AARSD1: variants seen among roughly 807,000 people sequenced by gnomAD.
AARSD1 encodes alanyl-tRNA editing protein Aarsd1.
A neutral mutation model predicts 48.7 loss-of-function variants in AARSD1; 44 were observed. That is an observed-to-expected ratio of 0.90 (90% CI 0.71 to 1.16). The LOEUF (loss-of-function observed/expected upper bound fraction) is 1.16. AARSD1 is among the 50% of genes most tolerant of loss of function. The pLI, the probability that AARSD1 is intolerant of heterozygous loss-of-function variation, is 0.00. For missense variants in AARSD1, 511 were observed against 523.1 expected, an observed-to-expected ratio of 0.98 and a Z score of 0.23; for synonymous variants, 189 against 194.9, an observed-to-expected ratio of 0.97 and a Z score of 0.25.
intron 9 of AARSD1, chr17:42,954,137 T>C (rs2049514843): frequency 4.8e-6 from 1 of 208,602 alleles, no homozygotes; most frequent in Non-Finnish European, 9.9e-6. Flanking sequence ...GCAGATTGCT[T>C]GAGGTCAGGA....
intron 2 of AARSD1, chr17:42,962,230 A>G: frequency 3.3e-6 from 1 of 305,512 alleles, no homozygotes; most frequent in South Asian, 2.3e-5. Context: ...AACCTGGCAG[A>G]CGGAGATTGC....
At chr17:42,958,881 C>A (rs1597716326) in intron 3 of AARSD1, among the ~76,000 whole-genome samples, 1 of 148,834 alleles carries the variant, frequency 6.7e-6, no homozygotes, top group African/African-American at 2.5e-5. Context: ...TTTTATTTTT[C>A]TTGTTTACAT....
intron 1 of AARSD1, 75 bp from the exon 2 acceptor site, chr17:42,964,312 G>A: frequency 6.2e-7 from 1 of 1,606,378 alleles, no homozygotes; most frequent in Non-Finnish European, 8.5e-7. Flanking sequence ...AGGACAGAAT[G>A]CCATGTTGGC....
chr17:42,955,294 A>G (rs1211053849), intron 7 of AARSD1, 70 bp from the exon 8 acceptor site: 4 of 1,590,084 alleles, frequency 2.5e-6, no homozygotes, highest in African/African-American at 1.3e-5. Flanking sequence ...ACATAAATCA[A>G]TAATTTCCTT....
chr17:42,954,608 T>A (rs931165913), intron 9 of AARSD1, among the ~76,000 whole-genome samples: 1 of 152,046 alleles, frequency 6.6e-6, no homozygotes, highest in Non-Finnish European at 1.5e-5. Flanking sequence ...CTAATTTTTG[T>A]ACTTTTAGTA....
intron 2 of AARSD1, among the ~76,000 whole-genome samples, chr17:42,962,711 G>A (rs2049655075): frequency 6.6e-6 from 1 of 152,152 alleles, no homozygotes; most frequent in South Asian, 2.1e-4. Context: ...TACTGAACAT[G>A]TTCTCTCATG....
chr17:42,953,226 C>T (rs920951117), intron 10 of AARSD1, among the ~76,000 whole-genome samples: 2 of 151,944 alleles, frequency 1.3e-5, no homozygotes, highest in Admixed American at 6.6e-5. Context: ...GCAATCCACC[C>T]GCCTCAGCCT....
intron 3 of AARSD1, among the ~76,000 whole-genome samples, chr17:42,960,615 G>A (rs1245370023): frequency 2.0e-5 from 3 of 151,440 alleles, no homozygotes; most frequent in African/African-American, 4.9e-5. Context: ...CCAGCTACTC[G>A]GGAGGCTGAG....
intron 3 of AARSD1, among the ~76,000 whole-genome samples, chr17:42,958,921 A>G (rs62076370): frequency 0.94 from 140,840 of 150,396 alleles, 66,650 homozygotes; most frequent in East Asian, 1. Context: ...TATTTATGCC[A>G]GGTGCGGTGG....
At chr17:42,959,317 C>A (rs1473304255) in intron 3 of AARSD1, among the ~76,000 whole-genome samples, 1 of 150,170 alleles carries the variant, frequency 6.7e-6, no homozygotes, top group Admixed American at 6.6e-5. Flanking sequence ...CTCCTGGGTT[C>A]AAGCAATTCT....
intron 3 of AARSD1, among the ~76,000 whole-genome samples, chr17:42,959,153 C>G (rs2049597380): frequency 7.5e-6 from 1 of 133,700 alleles, no homozygotes; most frequent in South Asian, 2.5e-4. Context: ...GCCAAGACTG[C>G]ACCACTGCAC....
chr17:42,952,864 A>G (rs1482208076), intron 10 of AARSD1, among the ~76,000 whole-genome samples: 5 of 145,402 alleles, frequency 3.4e-5, no homozygotes, highest in Non-Finnish European at 7.5e-5. Flanking sequence ...CCCAGGCTGG[A>G]GTGCAGTGGC....
In AARSD1 at chr17:42,956,966, C is replaced by CTTT. The variant is rs55786826; in HGVS notation, c.389+169_389+171dup. Among the ~76,000 whole-genome samples, 57 of 118,576 alleles carry CTTT rather than the reference C, an allele frequency of 4.8e-4. 1 individual carries two copies. The highest frequency in any genetic ancestry group is 5.7e-4 in the Non-Finnish European group (34 of 59,936). 77.8% of individuals were successfully genotyped at this position (118,576 alleles called of 152,430 possible). A position where few individuals can be genotyped will look rare whatever the true frequency, so the allele number is the denominator to read the frequency against. On this transcript the variant is annotated intron_variant, in intron 4 of 11. Coordinates refer to ENST00000427569, the MANE Select transcript of AARSD1 (RefSeq NM_001261434.2). Reference sequence around the variant, plus strand: ...ACAAGCGTGAGCCACTGCGCCTGGCCTTTTTTTTTTTTTTTTTTAAGACAA... The same window carrying CTTT: ...ACAAGCGTGAGCCACTGCGCCTGGCCTTTTTTTTTTTTTTTTTTTTTAAGACAA...
intron 2 of AARSD1, among the ~76,000 whole-genome samples, chr17:42,963,064 GC>G (rs1402256944): frequency 1.3e-5 from 2 of 151,580 alleles, no homozygotes; most frequent in Non-Finnish European, 2.9e-5. Context: ...ATGGTTCGCT[GC>G]CCACACACCT....
chr17:42,952,585 G>A (rs900094959), intron 10 of AARSD1, among the ~76,000 whole-genome samples: 7 of 152,192 alleles, frequency 4.6e-5, no homozygotes, highest in Non-Finnish European at 7.4e-5. Flanking sequence ...TGGGAGGACT[G>A]CTTGAGCCCA....
Position 42,953,704 on chromosome 17 carries a change from G to A in AARSD1, c.1008+20C>T, listed in dbSNP as rs375776812. The A allele has an allele frequency of 2.5e-6, 4 of 1,614,008 alleles. No individual in the cohort carries two copies. In the African/African-American group the frequency reaches 5.3e-5, roughly 22 times the overall value. ...AGGTCTCTATCCAGGCCGGGGTAGAGAATCTCATGCTCCTCTTACCTCTGA... is the reference window on the plus strand; with the variant it reads ...AGGTCTCTATCCAGGCCGGGGTAGAAAATCTCATGCTCCTCTTACCTCTGA... On this transcript the variant is annotated intron_variant, in intron 10 of 11. Coordinates refer to ENST00000427569, the MANE Select transcript of AARSD1 (RefSeq NM_001261434.2).
intron 8 of AARSD1, 35 bp from the exon 9 acceptor site, chr17:42,955,002 A>T: frequency 6.2e-7 from 1 of 1,613,826 alleles, no homozygotes; most frequent in Non-Finnish European, 8.5e-7. Flanking sequence ...AGATAAATGG[A>T]AAGGATAACA....
intron 11 of AARSD1, among the ~76,000 whole-genome samples, chr17:42,951,378 C>A (rs2049476593): frequency 1.3e-5 from 2 of 151,968 alleles, no homozygotes; most frequent in South Asian, 4.2e-4. Context: ...ATGGTGAAAC[C>A]CTATCTGTAC....
At chr17:42,959,183 C>T (rs62076372) in intron 3 of AARSD1, among the ~76,000 whole-genome samples, 117,459 of 125,340 alleles carry the variant, frequency 0.94, 55,576 homozygotes, top group South Asian at 1. Context: ...GGTGACAGAG[C>T]GAGACTTTGT....
Sources: gnomAD v4.1 joint callset for allele counts (sites outside exome capture counted in the v4.1 genomes callset) on GRCh38, gnomAD v4.1.1 for gene constraint, MANE v1.5 for transcripts, NCBI Gene and HGNC (gene_info 2026-07-23, HGNC 2026-07-21) for gene names.